ZFPM2: variants seen among roughly 807,000 people sequenced by gnomAD.
ZFPM2 encodes zinc finger protein, FOG family member 2.
ZFPM2 carries 20 observed loss-of-function variants against 98.6 expected under a neutral mutation model. The ratio of observed to expected loss-of-function variants is 0.20; its 90% CI spans 0.14 to 0.29. ZFPM2 has a LOEUF of 0.29. Ranked by LOEUF, ZFPM2 falls within the 10% of genes least tolerant of loss-of-function variation. The pLI is 1.00. For synonymous variants in ZFPM2, 518 were observed against 502.7 expected, an observed-to-expected ratio of 1.03 and a Z score of -0.41; for missense variants, 1,310 against 1,388.6, an observed-to-expected ratio of 0.94 and a Z score of 0.90.
intron 3 of ZFPM2, among the ~76,000 whole-genome samples, chr8:105,534,140 T>C: frequency 1.6e-5 from 1 of 64,074 alleles, no homozygotes; most frequent in Non-Finnish European, 3.0e-5. Flanking sequence ...CCTTCCTTCC[T>C]TTCTTCCTTC....
intron 2 of ZFPM2, among the ~76,000 whole-genome samples, chr8:105,433,909 G>A (rs572789068): frequency 6.6e-6 from 1 of 152,286 alleles, no homozygotes; most frequent in South Asian, 2.1e-4. Context: ...AAATAAATGT[G>A]GGTTCTAGTC....
At chr8:105,582,418 C>T (rs1050599321) in intron 4 of ZFPM2, among the ~76,000 whole-genome samples, 1 of 152,248 alleles carries the variant, frequency 6.6e-6, no homozygotes, top group East Asian at 1.9e-4. Context: ...CTTAGCAGTG[C>T]AACTGGCATC....
chr8:105,350,156 A>G (rs1295894204), intron 1 of ZFPM2, among the ~76,000 whole-genome samples: 1 of 152,222 alleles, frequency 6.6e-6, no homozygotes, highest in African/African-American at 2.4e-5. Context: ...TTAGACTTCT[A>G]GAGTTCCTAC....
intron 5 of ZFPM2, among the ~76,000 whole-genome samples, chr8:105,775,819 C>T (rs183109476): frequency 1.4e-3 from 206 of 152,244 alleles, no homozygotes; most frequent in Middle Eastern, 3.4e-3. Context: ...ATGCACAGGC[C>T]TTTTCCTGTT....
At chr8:105,324,041 A>T (rs1465383902) in intron 1 of ZFPM2, among the ~76,000 whole-genome samples, 1 of 151,826 alleles carries the variant, frequency 6.6e-6, no homozygotes, top group Non-Finnish European at 1.5e-5. Context: ...AAGAATAGTA[A>T]AATTGCATCA....
intron 1 of ZFPM2, among the ~76,000 whole-genome samples, chr8:105,336,833 A>G (rs1812336382): frequency 6.6e-6 from 1 of 151,772 alleles, no homozygotes; most frequent in East Asian, 1.9e-4. Context: ...AAATGTTTTT[A>G]CAAACTCTGA....
At chr8:105,759,520 T>TC (rs1366545368) in intron 5 of ZFPM2, among the ~76,000 whole-genome samples, 1 of 151,950 alleles carries the variant, frequency 6.6e-6, no homozygotes, top group Admixed American at 6.6e-5. Context: ...CCCCTAAAAC[T>TC]CTTACAGCAA....
intron 5 of ZFPM2, among the ~76,000 whole-genome samples, chr8:105,769,619 T>C (rs1055364663): frequency 1.3e-5 from 2 of 152,086 alleles, no homozygotes; most frequent in Non-Finnish European, 2.9e-5. Flanking sequence ...AAGACCACAA[T>C]CATATAATGA....
chr8:105,383,856 T>C (rs1032271587), intron 1 of ZFPM2, among the ~76,000 whole-genome samples: 1 of 152,198 alleles, frequency 6.6e-6, no homozygotes, highest in African/African-American at 2.4e-5. Context: ...AGTATCACTA[T>C]ATTAACTCAT....
chr8:105,486,359 T>A (rs1186042617), intron 3 of ZFPM2, among the ~76,000 whole-genome samples: 1 of 152,038 alleles, frequency 6.6e-6, no homozygotes, highest in East Asian at 1.9e-4. Context: ...GTGTGTATGG[T>A]GTCTGTTTGT....
intron 3 of ZFPM2, among the ~76,000 whole-genome samples, chr8:105,451,090 C>T (rs1416653910): frequency 6.6e-6 from 1 of 152,058 alleles, no homozygotes; most frequent in Non-Finnish European, 1.5e-5. Context: ...GATGATTATA[C>T]TTCTTCAGCT....
Position 105,570,570 on chromosome 8 carries a change from G to A in ZFPM2, c.420+9089G>A, listed in dbSNP as rs1475408987. Reference sequence around the variant, plus strand: ...AGTGGATGAAAATACATTGTCATATGGCACAATGGTATTGAAATGAAAACC... The same window carrying A: ...AGTGGATGAAAATACATTGTCATATAGCACAATGGTATTGAAATGAAAACC... On this transcript the variant is annotated intron_variant, in intron 4 of 7. Coordinates refer to ENST00000407775, the MANE Select transcript of ZFPM2 (RefSeq NM_012082.4). Among the ~76,000 whole-genome samples, 4 of 152,090 alleles carry A rather than the reference G, an allele frequency of 2.6e-5. No homozygotes were observed. In the East Asian group the frequency reaches 5.8e-4, roughly 22 times the overall value.
intron 4 of ZFPM2, among the ~76,000 whole-genome samples, chr8:105,626,041 C>T (rs1273600915): frequency 6.6e-6 from 1 of 151,714 alleles, no homozygotes; most frequent in Admixed American, 6.6e-5. Context: ...AAAGAAAGCT[C>T]TTTTGCCTCA....
chr8:105,459,331 G>T (rs556216540), intron 3 of ZFPM2, among the ~76,000 whole-genome samples: 44 of 152,284 alleles, frequency 2.9e-4, no homozygotes, highest in Non-Finnish European at 3.4e-4. Flanking sequence ...GGTGGCAGGG[G>T]AGGGTGCTTT....
intron 1 of ZFPM2, among the ~76,000 whole-genome samples, chr8:105,376,348 G>C (rs1225574633): frequency 6.6e-6 from 1 of 152,038 alleles, no homozygotes; most frequent in African/African-American, 2.4e-5. Context: ...CTCTCTCCTG[G>C]ACCTTCCTCT....
chr8:105,444,923 C>G (rs7829214), intron 3 of ZFPM2, among the ~76,000 whole-genome samples: 2,439 of 152,030 alleles, frequency 0.016, 57 homozygotes, highest in African/African-American at 0.056. Context: ...AAAAACTGAT[C>G]AAAATACTCC....
chr8:105,675,771 A>G (rs1334078248), intron 5 of ZFPM2: 4 of 152,176 alleles, frequency 2.6e-5, no homozygotes, highest in African/African-American at 9.7e-5. Flanking sequence ...TAGTAATAGA[A>G]AACTTCTAAT....
chr8:105,566,191 A>G (rs1815240161), intron 4 of ZFPM2, among the ~76,000 whole-genome samples: 1 of 152,122 alleles, frequency 6.6e-6, no homozygotes, highest in Admixed American at 6.6e-5. Flanking sequence ...TGGCAATTAA[A>G]ATGAACCATC....
At chr8:105,402,556 G>A (rs1195963937) in intron 1 of ZFPM2, among the ~76,000 whole-genome samples, 1 of 151,848 alleles carries the variant, frequency 6.6e-6, no homozygotes, top group Non-Finnish European at 1.5e-5. Flanking sequence ...CTTCTTTTCA[G>A]CCCCACTTCC....
Sources: allele counts gnomAD v4.1 joint callset (sites outside exome capture counted in the v4.1 genomes callset), GRCh38; gene constraint gnomAD v4.1.1; transcripts MANE v1.5; gene names NCBI Gene and HGNC (gene_info 2026-07-23, HGNC 2026-07-21).